Variants in RAD54L2 observed in about 807,000 individuals in gnomAD.
The protein encoded by RAD54L2 is helicase ARIP4.
In RAD54L2, 27 loss-of-function variants were observed where a neutral mutation model predicts 138.4. The ratio of observed to expected loss-of-function variants is 0.20; its 90% CI spans 0.14 to 0.27. The LOEUF (loss-of-function observed/expected upper bound fraction) is 0.27, where lower values mean the gene tolerates loss of function less well. Ranked by LOEUF, RAD54L2 falls within the 10% of genes least tolerant of loss-of-function variation. RAD54L2 has a pLI of 1.00. For missense variants in RAD54L2, 1,396 were observed against 1,890.2 expected (o/e 0.74, Z 4.85); for synonymous variants, 644 against 723.2 (o/e 0.89, Z 1.76).
rs748277362 is a variant in RAD54L2 at position 51,639,514 on chromosome 3, G to T, written c.1956G>T (p.Gly652=). 3.8e-5 allele frequency: 61 copies of T among 1,614,002 alleles called. No homozygotes were observed. Among genetic ancestry groups the T allele is most frequent in the Non-Finnish European group, 5.1e-5 (60 of 1,179,898 alleles). ...DLDVEELGSA[G]TSARCPPQGT... ...ACGTGGAAGAACTTGGCTCTGCAGG[G>T]ACCAGTGCCCGCTGTCCACCACAGG... The change falls in exon 13 of 23, where the codon GGG becomes GGT. Residue 652 remains glycine (G), a synonymous_variant. Transcript: ENST00000684192.
At chr3:51,635,253 A>G (rs947976203) in intron 9 of RAD54L2, among the ~76,000 whole-genome samples, 9 of 152,296 alleles carry the variant, frequency 5.9e-5, no homozygotes, top group Non-Finnish European at 1.0e-4. Context: ...TGGGATTGAA[A>G]TGCTCCTTCA....
chr3:51,598,179 A>G (rs189008511), intron 3 of RAD54L2, among the ~76,000 whole-genome samples: 12,892 of 127,996 alleles, frequency 0.1, 551 homozygotes, highest in African/African-American at 0.13. Context: ...GTGTGTGTGT[A>G]TATATATATA....
intron 3 of RAD54L2, among the ~76,000 whole-genome samples, chr3:51,620,043 C>T (rs140665284): frequency 1.3e-5 from 2 of 152,080 alleles, no homozygotes; most frequent in African/African-American, 4.8e-5. Flanking sequence ...GTGTGTGCAT[C>T]CAGTTGCATC....
intron 2 of RAD54L2, among the ~76,000 whole-genome samples, chr3:51,573,218 C>G (rs1699381391): frequency 1.3e-5 from 2 of 152,084 alleles, no homozygotes; most frequent in South Asian, 4.1e-4. Flanking sequence ...TGTCATTGAT[C>G]ATGCTTAGAG....
At chr3:51,573,138 C>A (rs542870873) in intron 2 of RAD54L2, among the ~76,000 whole-genome samples, 114 of 152,236 alleles carry the variant, frequency 7.5e-4, no homozygotes, top group Middle Eastern at 6.8e-3. Flanking sequence ...AACTGGGCCA[C>A]GTCCATACAC....
At chr3:51,606,871 AG>A (rs1700192580) in intron 3 of RAD54L2, among the ~76,000 whole-genome samples, 1 of 151,688 alleles carries the variant, frequency 6.6e-6, no homozygotes, top group African/African-American at 2.4e-5. Context: ...TAGTGGAAAC[AG>A]GGTTTCATCA....
intron 3 of RAD54L2, among the ~76,000 whole-genome samples, chr3:51,623,199 A>T (rs191493988): frequency 1.3e-5 from 2 of 152,352 alleles, no homozygotes; most frequent in Admixed American, 1.3e-4. Context: ...AATTTCATCG[A>T]GGCAGTATGT....
At chr3:51,563,555 A>G (rs1699146018) in intron 2 of RAD54L2, among the ~76,000 whole-genome samples, 1 of 152,162 alleles carries the variant, frequency 6.6e-6, no homozygotes, top group Non-Finnish European at 1.5e-5. Context: ...TAGAATGTGC[A>G]TTTTAGTAGA....
intron 15 of RAD54L2, among the ~76,000 whole-genome samples, chr3:51,642,333 T>C (rs1701159734): frequency 6.6e-6 from 1 of 150,878 alleles, no homozygotes; most frequent in African/African-American, 2.4e-5. Flanking sequence ...GGATGAACTT[T>C]TTTTTTTTTT....
At chr3:51,594,048 T>G (rs994793154) in intron 3 of RAD54L2, among the ~76,000 whole-genome samples, 8 of 151,106 alleles carry the variant, frequency 5.3e-5, no homozygotes, top group Admixed American at 4.6e-4. Context: ...TACTTAATTG[T>G]CTTTCTTTTT....
At chr3:51,617,067 CT>C (rs1395457696) in intron 3 of RAD54L2, among the ~76,000 whole-genome samples, 1 of 152,136 alleles carries the variant, frequency 6.6e-6, no homozygotes, top group Non-Finnish European at 1.5e-5. Flanking sequence ...TAGTTTGTTC[CT>C]TTTTATTGTT....
chr3:51,588,878 G>T (rs151067611), intron 2 of RAD54L2, among the ~76,000 whole-genome samples: 1 of 152,136 alleles, frequency 6.6e-6, no homozygotes, highest in South Asian at 2.1e-4. Context: ...CTCCTCTGCC[G>T]TTGGTGCTCG....
chr3:51,577,831 AC>A (rs1381545417), intron 2 of RAD54L2, among the ~76,000 whole-genome samples: 1 of 152,058 alleles, frequency 6.6e-6, no homozygotes, highest in African/African-American at 2.4e-5. Context: ...TTCAGAAATC[AC>A]CCATCTTCTG....
rs770917202 is a variant in RAD54L2 at position 51,630,383 on chromosome 3, G to A, written c.593G>A (p.Arg198Gln). Reference sequence around the variant, plus strand: ...GGCAGTGAGGATGAAAAAAGCAGTCGAGATGGTAAGATCAAACCAGGTGCC... The same window carrying A: ...GGCAGTGAGGATGAAAAAAGCAGTCAAGATGGTAAGATCAAACCAGGTGCC... Reference protein sequence around the residue: ...SSGSEDEKSSRDEVIELSSGE... With the variant: ...SSGSEDEKSSQDEVIELSSGE... Residue 198 changes from arginine to glutamine, a missense_variant, in exon 6 of 23, where the codon CGA becomes CAA. Coordinates refer to ENST00000684192, the MANE Select transcript of RAD54L2 (RefSeq NM_015106.4). 31 of 1,612,700 alleles carry A rather than the reference G, an allele frequency of 1.9e-5. No individual in the cohort carries two copies. The highest frequency in any genetic ancestry group is 1.3e-4 in the South Asian group (12 of 91,052).
chr3:51,582,374 T>A (rs1472877328), intron 2 of RAD54L2, among the ~76,000 whole-genome samples: 1 of 72,348 alleles, frequency 1.4e-5, no homozygotes, highest in Admixed American at 1.1e-4. Context: ...TATCCAGAGA[T>A]CTTATTTTTT....
chr3:51,576,955 C>CT (rs1469587999), intron 2 of RAD54L2, among the ~76,000 whole-genome samples: 2 of 152,154 alleles, frequency 1.3e-5, no homozygotes, highest in East Asian at 3.9e-4. Flanking sequence ...AGTTTTAGAT[C>CT]TTTCCTGCTT....
chr3:51,561,411 A>G (rs974462441), intron 2 of RAD54L2, among the ~76,000 whole-genome samples: 1 of 151,906 alleles, frequency 6.6e-6, no homozygotes, highest in East Asian at 1.9e-4. Flanking sequence ...ATGCCCGGCT[A>G]ATTTTTGTAT....
At chr3:51,580,568 C>T (rs1304741223) in intron 2 of RAD54L2, among the ~76,000 whole-genome samples, 1 of 152,104 alleles carries the variant, frequency 6.6e-6, no homozygotes, top group Non-Finnish European at 1.5e-5. Flanking sequence ...TATCTAGGGG[C>T]CCCACCCTAA....
intron 3 of RAD54L2, among the ~76,000 whole-genome samples, chr3:51,626,060 C>T (rs543235196): frequency 1.3e-5 from 2 of 152,006 alleles, no homozygotes; most frequent in Admixed American, 1.3e-4. Flanking sequence ...AAACAATAAG[C>T]CACCAGCCCT....
Sources: gnomAD v4.1 joint callset for allele counts (sites outside exome capture counted in the v4.1 genomes callset) on GRCh38, gnomAD v4.1.1 for gene constraint, MANE v1.5 for transcripts, NCBI Gene and HGNC (gene_info 2026-07-23, HGNC 2026-07-21) for gene names.